The following MTUS2 variants were observed in gnomAD, a reference collection of about 807,000 sequenced individuals.
The protein encoded by MTUS2 is microtubule associated scaffold protein 2.
In MTUS2, 40 loss-of-function variants were observed where a neutral mutation model predicts 114.1. The observed-to-expected ratio is 0.35, with a 90% CI of 0.27 to 0.46. The LOEUF (loss-of-function observed/expected upper bound fraction) is 0.46. Ranked by LOEUF, MTUS2 falls within the 20% of genes least tolerant of loss-of-function variation. The pLI is 1.00. For synonymous variants in MTUS2, 688 were observed against 672.0 expected (o/e 1.02, Z -0.37); for missense variants, 1,679 against 1,705.4 (o/e 0.98, Z 0.27).
intron 2 of MTUS2, among the ~76,000 whole-genome samples, chr13:28,885,124 A>G (rs1487265703): frequency 3.3e-5 from 5 of 152,064 alleles, no homozygotes; most frequent in Non-Finnish European, 7.4e-5. Context: ...AACAGATTTG[A>G]TTTGGGTGTT....
At chr13:29,403,889 C>G (rs1032035922) in intron 8 of MTUS2, among the ~76,000 whole-genome samples, 3 of 152,014 alleles carry the variant, frequency 2.0e-5, no homozygotes, top group African/African-American at 7.3e-5. Context: ...CTTACTCTTC[C>G]TCATATTTTT....
chr13:29,409,798 T>G (rs76346562), intron 8 of MTUS2, among the ~76,000 whole-genome samples: 1 of 90,362 alleles, frequency 1.1e-5, no homozygotes, highest in Non-Finnish European at 2.7e-5. Flanking sequence ...TTCATTCGTC[T>G]TTTTTTTTTT....
intron 9 of MTUS2, among the ~76,000 whole-genome samples, chr13:29,474,157 A>G (rs1028395637): frequency 1.4e-4 from 22 of 152,324 alleles, no homozygotes; most frequent in African/African-American, 4.8e-4. Context: ...GATTGGAGCT[A>G]TATGTGCAAA....
At chr13:29,121,436 T>TAC (rs34032510) in intron 5 of MTUS2, among the ~76,000 whole-genome samples, 45,459 of 150,184 alleles carry the variant, frequency 0.3, 7,038 homozygotes, top group East Asian at 0.52. Flanking sequence ...TGTAATGAAA[T>TAC]ACACACACAC....
intron 8 of MTUS2, among the ~76,000 whole-genome samples, chr13:29,392,359 G>A (rs975577109): frequency 1.3e-5 from 2 of 151,964 alleles, no homozygotes; most frequent in Non-Finnish European, 2.9e-5. Flanking sequence ...ATTTCACCCA[G>A]CATAATGCCT....
At chr13:28,999,996 C>A (rs1213868641) in intron 2 of MTUS2, among the ~76,000 whole-genome samples, 1 of 152,144 alleles carries the variant, frequency 6.6e-6, no homozygotes, top group Non-Finnish European at 1.5e-5. Flanking sequence ...TGTATATCTA[C>A]CACATTTTCT....
intron 5 of MTUS2, among the ~76,000 whole-genome samples, chr13:29,194,387 C>T (rs1894582261): frequency 6.7e-6 from 1 of 150,008 alleles, no homozygotes; most frequent in African/African-American, 2.4e-5. Context: ...TGAACTCAAA[C>T]AAATTTACAA....
chr13:29,412,264 C>T (rs1875301046), intron 8 of MTUS2, among the ~76,000 whole-genome samples: 1 of 152,166 alleles, frequency 6.6e-6, no homozygotes, highest in Admixed American at 6.6e-5. Flanking sequence ...GAAAACACTT[C>T]ATTTCCTGTT....
At chr13:29,036,509 T>C (rs1469235199) in intron 4 of MTUS2, among the ~76,000 whole-genome samples, 3 of 151,956 alleles carry the variant, frequency 2.0e-5, no homozygotes, top group Admixed American at 2.0e-4. Context: ...GAGAGTTCTG[T>C]AGATGTCTAT....
intron 4 of MTUS2, among the ~76,000 whole-genome samples, chr13:29,045,381 A>G (rs1887567034): frequency 6.6e-6 from 1 of 152,174 alleles, no homozygotes; most frequent in Non-Finnish European, 1.5e-5. Flanking sequence ...ATTTCCTCTA[A>G]GAGCACTAAT....
chr13:28,820,807 G>C (rs1873845228), intron 1 of MTUS2, among the ~76,000 whole-genome samples, 196 bp downstream of exon 1: 1 of 152,178 alleles, frequency 6.6e-6, no homozygotes, highest in Admixed American at 6.5e-5. Flanking sequence ...AGGGACTGCA[G>C]CTCTTTTGGC....
chr13:28,820,721 G>C (rs897300813), intron 1 of MTUS2, 110 bp downstream of exon 1: 3 of 152,336 alleles, frequency 2.0e-5, no homozygotes, highest in Non-Finnish European at 2.9e-5. Flanking sequence ...AGCCGGGCTC[G>C]GGGCAGCGCC....
At chr13:29,100,410 C>T (rs946349205) in intron 4 of MTUS2, among the ~76,000 whole-genome samples, 6 of 152,204 alleles carry the variant, frequency 3.9e-5, no homozygotes, top group African/African-American at 1.4e-4. Flanking sequence ...CTCAATTTCA[C>T]GAATCTGGGG....
chr13:28,987,056 T>C (rs1270822967), intron 2 of MTUS2, among the ~76,000 whole-genome samples: 1 of 152,220 alleles, frequency 6.6e-6, no homozygotes, highest in African/African-American at 2.4e-5. Context: ...ATGAAGATGT[T>C]GGGGCTTAGG....
At chr13:29,371,361 G>C (rs1429280735) in intron 8 of MTUS2, among the ~76,000 whole-genome samples, 2 of 148,844 alleles carry the variant, frequency 1.3e-5, no homozygotes, top group East Asian at 3.9e-4. Flanking sequence ...GGGATTACAG[G>C]CGCCCGCCAC....
chr13:29,498,348 C>T (rs1882682286), intron 13 of MTUS2, 70 bp from the exon 14 acceptor site: 54 of 1,592,842 alleles, frequency 3.4e-5, no homozygotes, highest in East Asian at 2.9e-4. Context: ...TAGCTGGATT[C>T]GTGACATTGG....
chr13:28,974,355 C>G (rs1045221103), intron 2 of MTUS2, among the ~76,000 whole-genome samples: 4 of 152,156 alleles, frequency 2.6e-5, no homozygotes, highest in Non-Finnish European at 5.9e-5. Context: ...TTTAAAAACA[C>G]AGTTTGGGCC....
intron 5 of MTUS2, among the ~76,000 whole-genome samples, chr13:29,181,788 C>CTGTGTG (rs34853883): frequency 0.022 from 3,242 of 146,790 alleles, 99 homozygotes; most frequent in African/African-American, 0.075. Context: ...TTATATACTA[C>CTGTGTG]TGTGTGTGTG....
intron 8 of MTUS2, among the ~76,000 whole-genome samples, chr13:29,399,331 C>T (rs917898517): frequency 6.6e-6 from 1 of 152,140 alleles, no homozygotes; most frequent in Non-Finnish European, 1.5e-5. Flanking sequence ...TTACCTGTAT[C>T]TTGTGCCGAC....
Sources: allele counts gnomAD v4.1 joint callset (sites outside exome capture counted in the v4.1 genomes callset), GRCh38; gene constraint gnomAD v4.1.1; transcripts MANE v1.5; gene names NCBI Gene and HGNC (gene_info 2026-07-23, HGNC 2026-07-21).